The following CLMN variants were observed in gnomAD, a reference collection of about 807,000 sequenced individuals.
CLMN encodes the protein calmin (calponin-like, transmembrane).
CLMN carries 57 observed loss-of-function variants against 92.7 expected under a neutral mutation model. The ratio of observed to expected loss-of-function variants is 0.61; its 90% CI spans 0.50 to 0.77. CLMN has a LOEUF of 0.77. Among genes scored for constraint, CLMN ranks in the 30% least tolerant of loss-of-function variants. The pLI is 0.00. For missense variants in CLMN, 1,158 were observed against 1,237.5 expected (o/e 0.94, Z 0.96); for synonymous variants, 466 against 470.6 (o/e 0.99, Z 0.13).
intron 1 of CLMN, among the ~76,000 whole-genome samples, chr14:95,303,833 A>G (rs1177370985): frequency 6.6e-6 from 1 of 152,234 alleles, no homozygotes; most frequent in African/African-American, 2.4e-5. Context: ...GATTTCTCAG[A>G]GATGAGGACG....
chr14:95,241,953 C>T (rs1402235635), intron 1 of CLMN, among the ~76,000 whole-genome samples: 1 of 152,092 alleles, frequency 6.6e-6, no homozygotes, highest in African/African-American at 2.4e-5. Flanking sequence ...TTTGTTATTA[C>T]AAGGTCTCCC....
At position 95,204,247 on chromosome 14, in the gene CLMN, A is replaced by T. The variant is rs1171040268; in HGVS notation, c.1102T>A (p.Ser368Thr). The change falls in exon 9 of 13, where the codon TCC (serine) becomes ACC (threonine). Residue 368 changes from serine to threonine, a missense_variant. By Grantham distance (58) the Ser-to-Thr change is moderately conservative. Coordinates refer to ENST00000298912, the MANE Select transcript of CLMN (RefSeq NM_024734.4). ...SMKEFRLDGVSSHALSDSSTE... is the reference protein window; with the variant it reads ...SMKEFRLDGVTSHALSDSSTE... ...GAGCTGTCTGACAGCGCATGGCTGG[A>T]AACACCATCCAGGCGGAATTCCTTC... 1.2e-6 allele frequency: 2 copies of T among 1,614,130 alleles called. No individual in the cohort carries two copies. Among genetic ancestry groups the T allele is most frequent in the Admixed American group, 3.3e-5 (2 of 60,014 alleles).
At position 95,203,509 on chromosome 14, in the gene CLMN, G is replaced by C. The variant is rs1194921578; in HGVS notation, c.1840C>G (p.His614Asp). The C allele has an allele frequency of 6.2e-7, 1 of 1,614,082 alleles. No homozygotes were observed. Among genetic ancestry groups the C allele is most frequent in the Non-Finnish European group, 8.5e-7 (1 of 1,180,026 alleles). Reference sequence around the variant, plus strand: ...GGCTCTGGCGAATCCTTCTTTTTGTGAGCAGATTTAATACTCCTTTTACCT... The same window carrying C: ...GGCTCTGGCGAATCCTTCTTTTTGTCAGCAGATTTAATACTCCTTTTACCT... ...KLGKRSIKSA[H>D]KKKDSPEPQV... The change falls in exon 9 of 13, where the codon CAC (histidine) becomes GAC (aspartate). Residue 614 changes from histidine to aspartate, a missense_variant. His to Asp is a moderately conservative substitution (Grantham distance 81). Coordinates refer to ENST00000298912, the MANE Select transcript of CLMN (RefSeq NM_024734.4).
intron 1 of CLMN, among the ~76,000 whole-genome samples, chr14:95,314,556 A>C (rs1223716667): frequency 2.6e-5 from 4 of 152,170 alleles, no homozygotes; most frequent in Non-Finnish European, 5.9e-5. Context: ...GCAAATGAGG[A>C]AACTAAGGAA....
At chr14:95,234,469 A>G (rs1283042540) in intron 1 of CLMN, among the ~76,000 whole-genome samples, 1 of 152,022 alleles carries the variant, frequency 6.6e-6, no homozygotes, top group Non-Finnish European at 1.5e-5. Context: ...CTTTTTTCCT[A>G]TCACATTGTA....
intron 1 of CLMN, chr14:95,296,239 G>A (rs1040730433): frequency 1.3e-5 from 2 of 152,258 alleles, no homozygotes; most frequent in Non-Finnish European, 2.9e-5. Context: ...CAGAGAGGAA[G>A]GGGGCTGGAC....
At chr14:95,318,684 A>C (rs1049311698) in intron 1 of CLMN, among the ~76,000 whole-genome samples, 1 of 151,912 alleles carries the variant, frequency 6.6e-6, no homozygotes, top group African/African-American at 2.4e-5. Flanking sequence ...CCCTCTAGAA[A>C]CCCAAGCCAG....
At chr14:95,305,881 A>C (rs1296237796) in intron 1 of CLMN, among the ~76,000 whole-genome samples, 1 of 152,268 alleles carries the variant, frequency 6.6e-6, no homozygotes, top group Non-Finnish European at 1.5e-5. Context: ...ACAGTGGAGC[A>C]AGGAACACTT....
intron 5 of CLMN, among the ~76,000 whole-genome samples, chr14:95,214,344 C>CTTT (rs140176893): frequency 1.1e-3 from 117 of 109,318 alleles, no homozygotes; most frequent in South Asian, 1.3e-3. Context: ...GCTGCTGCTG[C>CTTT]TTTTTTTTTT....
At chr14:95,218,272 G>T (rs1451786004) in intron 4 of CLMN, among the ~76,000 whole-genome samples, 1 of 152,204 alleles carries the variant, frequency 6.6e-6, no homozygotes, top group Non-Finnish European at 1.5e-5. Context: ...TCACAGGTCA[G>T]TTCCTTTAGT....
In CLMN at chr14:95,303,460, G is replaced by A. The variant is rs574196154; in HGVS notation, c.82+16251C>T. 1.6e-4 allele frequency among the ~76,000 whole-genome samples: 25 copies of A among 152,332 alleles called. No individual in the cohort carries two copies. The South Asian group carries it at 3.1e-3, about 19-fold the overall frequency. On this transcript the variant is annotated intron_variant, in intron 1 of 12. Coordinates refer to ENST00000298912, the MANE Select transcript of CLMN (RefSeq NM_024734.4). ...GTCCACTGATGGGCAATTAGGGGCC[G>A]GGGAGGACCTTGGCGGGGAGTTCAT...
chr14:95,219,354 A>T (rs534222079), intron 4 of CLMN, among the ~76,000 whole-genome samples: 13 of 152,208 alleles, frequency 8.5e-5, no homozygotes, highest in Non-Finnish European at 1.8e-4. Context: ...AAGGCCCCAC[A>T]TTATCACAAA....
intron 6 of CLMN, among the ~76,000 whole-genome samples, chr14:95,212,887 G>A (rs1399684803): frequency 1.3e-5 from 2 of 150,494 alleles, no homozygotes; most frequent in Non-Finnish European, 2.9e-5. Context: ...CCAGGTTCAC[G>A]CCATTCTCCT....
At chr14:95,200,498 T>C (rs1248245241) in intron 9 of CLMN, among the ~76,000 whole-genome samples, 1 of 152,204 alleles carries the variant, frequency 6.6e-6, no homozygotes, top group East Asian at 1.9e-4. Flanking sequence ...CTGGATGCCC[T>C]GTGTGCACTA....
intron 1 of CLMN, among the ~76,000 whole-genome samples, chr14:95,292,976 A>G (rs1184396478): frequency 6.6e-6 from 1 of 152,226 alleles, no homozygotes; most frequent in East Asian, 1.9e-4. Flanking sequence ...GACACAGAGC[A>G]GAATGCAATT....
At chr14:95,300,592 C>T (rs1901007829) in intron 1 of CLMN, among the ~76,000 whole-genome samples, 3 of 152,256 alleles carry the variant, frequency 2.0e-5, no homozygotes, top group South Asian at 2.1e-4. Context: ...CTGCTGCCTA[C>T]ATCGGCTTCT....
At position 95,203,725 on chromosome 14, in the gene CLMN, C is replaced by T. The variant is rs1223036906; in HGVS notation, c.1624G>A (p.Val542Ile). ...TVMADSFQIK[V>I]NLMTVEALEE... The stretch of plus-strand genomic sequence containing the variant: ...AAAGCTTCTACAGTCATCAGGTTAA[C>T]CTTGATCTGGAAGGAATCGGCCATC... The change falls in exon 9 of 13, where the codon GTT (valine) becomes ATT (isoleucine). Residue 542 changes from valine to isoleucine, a missense_variant. Val to Ile is a conservative substitution (Grantham distance 29). Transcript: ENST00000298912. 3 of 1,614,126 alleles carry T rather than the reference C, an allele frequency of 1.9e-6. No individual in the cohort carries two copies. The highest frequency in any genetic ancestry group is 2.2e-5 in the East Asian group (1 of 44,872).
At chr14:95,274,040 AGTTCT>A (rs1899822542) in intron 1 of CLMN, among the ~76,000 whole-genome samples, 1 of 152,210 alleles carries the variant, frequency 6.6e-6, no homozygotes, top group African/African-American at 2.4e-5. Flanking sequence ...TTACCGATGT[AGTTCT>A]CAGTGTCATT....
intron 6 of CLMN, among the ~76,000 whole-genome samples, chr14:95,211,414 C>A (rs1213918380): frequency 2.6e-5 from 4 of 151,900 alleles, no homozygotes; most frequent in Non-Finnish European, 1.5e-5. Context: ...ACGTTGGGAG[C>A]CCAAGAAAGC....
Sources: gnomAD v4.1 joint callset for allele counts (sites outside exome capture counted in the v4.1 genomes callset) on GRCh38, gnomAD v4.1.1 for gene constraint, MANE v1.5 for transcripts, NCBI Gene and HGNC (gene_info 2026-07-23, HGNC 2026-07-21) for gene names.